Variants in HNRNPA3 observed in about 807,000 individuals in gnomAD.
HNRNPA3 encodes heterogeneous nuclear ribonucleoprotein A3.
In HNRNPA3, 3 loss-of-function variants were observed where a neutral mutation model predicts 45.8. That is an observed-to-expected ratio of 0.07 (90% CI 0.03 to 0.17). The LOEUF is 0.17. HNRNPA3 is among the 10% of genes least tolerant of loss of function. The pLI, the probability that HNRNPA3 is intolerant of heterozygous loss-of-function variation, is 1.00. For missense variants in HNRNPA3, 183 were observed against 480.3 expected (o/e 0.38, Z 5.79); for synonymous variants, 170 against 155.6 (o/e 1.09, Z -0.69).
chr2:177,223,686 T>C (rs1489658301), downstream of HNRNPA3: 5 of 152,214 alleles, frequency 3.3e-5, no homozygotes, highest in African/African-American at 1.2e-4. Context: ...GCAAGGGTAA[T>C]GTAAGGATTG....
downstream of HNRNPA3, chr2:177,223,628 T>C (rs1270102516): frequency 1.3e-5 from 2 of 152,244 alleles, no homozygotes; most frequent in African/African-American, 4.8e-5. Context: ...TGACAGTATC[T>C]TGGGAGTTCC....
intron 1 of HNRNPA3, among the ~76,000 whole-genome samples, chr2:177,214,940 A>G (rs577023333): frequency 2.0e-5 from 3 of 152,316 alleles, no homozygotes; most frequent in Admixed American, 2.0e-4. Flanking sequence ...AGGTTCTCAG[A>G]CAGTTGTAGC....
exon 11 of HNRNPA3, chr2:177,219,809 A>G (rs1689111252): frequency 6.5e-6 from 1 of 152,814 alleles, no homozygotes; most frequent in Admixed American, 6.5e-5. Flanking sequence ...TCTACATTTT[A>G]GTACAGAAAC....
chr2:177,220,935 T>A (rs1689165631), downstream of HNRNPA3: 1 of 152,612 alleles, frequency 6.6e-6, no homozygotes, highest in African/African-American at 2.4e-5. Context: ...TAGTTGAACG[T>A]TGAATTCAAG....
At chr2:177,217,601 CG>C in intron 7 of HNRNPA3, 103 bp from the exon 8 acceptor site, 1 of 1,415,778 alleles carries the variant, frequency 7.1e-7, no homozygotes, top group South Asian at 1.2e-5. Flanking sequence ...TACTTGAGCC[CG>C]GGCAACAGAG....
At chr2:177,217,945 T>C (rs1249859263) in intron 8 of HNRNPA3, 100 bp downstream of exon 8, 30 of 1,189,592 alleles carry the variant, frequency 2.5e-5, no homozygotes, top group Non-Finnish European at 3.2e-5. Context: ...TGATCAAATT[T>C]TATGTTCTAT....
At position 177,216,204 on chromosome 2, in the gene HNRNPA3, T is replaced by C. The variant is rs1688922895; in HGVS notation, c.553+16T>C. ...AAAATTGTTGGTAAGTAGCAATTTATGGTAACTTGAATGAGAAAGTAGAAC... is the reference window on the plus strand; with the variant it reads ...AAAATTGTTGGTAAGTAGCAATTTACGGTAACTTGAATGAGAAAGTAGAAC... On this transcript the variant is annotated intron_variant, in intron 4 of 10. Transcript: ENST00000392524. 10 of 1,490,560 alleles carry C rather than the reference T, an allele frequency of 6.7e-6. No homozygotes were observed. Among genetic ancestry groups the C allele is most frequent in the Non-Finnish European group, 9.2e-6 (10 of 1,089,132 alleles). The allele number at this position is 1,490,560 out of a possible 1,614,324, so 92.3% of individuals were successfully genotyped here. A position where few individuals can be genotyped will look rare whatever the true frequency, so the allele number is the denominator to read the frequency against.
At position 177,215,481 on chromosome 2, in the gene HNRNPA3, C is replaced by CGAG; in HGVS notation, c.73-57_73-56insAGG. On this transcript the variant is annotated intron_variant, in intron 1 of 10. Transcript: ENST00000392524. The stretch of plus-strand genomic sequence containing the variant: ...TACTTACCGTACATTAAAGGCTCTT[C>CGAG]GTGCATCTTAATTCATCTACTGTAA... The CGAG allele has an allele frequency of 5.2e-6, 8 of 1,540,426 alleles. No individual in the cohort carries two copies. The South Asian group carries it at 9.1e-5, about 17-fold the overall frequency.
chr2:177,222,786 A>G (rs1436254444), downstream of HNRNPA3: 1 of 152,642 alleles, frequency 6.6e-6, no homozygotes, highest in East Asian at 1.9e-4. Context: ...CTCAAAGAAG[A>G]AAAGTTACCA....
At chr2:177,223,366 A>T (rs1467270907), downstream of HNRNPA3, 4 of 152,118 alleles carry the variant, frequency 2.6e-5, no homozygotes, top group East Asian at 7.7e-4. Context: ...GTTTCTGAAA[A>T]CTACAGTATT....
At chr2:177,217,083 G>T in intron 7 of HNRNPA3, 143 bp downstream of exon 7, 1 of 896,438 alleles carries the variant, frequency 1.1e-6, no homozygotes. Context: ...TGGAAGAACA[G>T]GAACCCTTTT....
At chr2:177,219,348 AAG>A (rs1410038697) in intron 10 of HNRNPA3, 34 bp downstream of exon 10, 7 of 1,473,194 alleles carry the variant, frequency 4.8e-6, no homozygotes, top group Admixed American at 1.8e-5. Flanking sequence ...ATGATGATAA[AAG>A]AATATGTGGA....
intron 1 of HNRNPA3, 131 bp from the exon 2 acceptor site, chr2:177,215,408 T>G (rs1194574946): frequency 1.0e-6 from 1 of 981,640 alleles, no homozygotes. Flanking sequence ...GTCAAAGTTT[T>G]AACTGGACAA....
intron 8 of HNRNPA3, among the ~76,000 whole-genome samples, chr2:177,218,543 AG>A (rs1689059218): frequency 6.6e-6 from 1 of 152,224 alleles, no homozygotes; most frequent in Admixed American, 6.5e-5. Flanking sequence ...TGAAGTGAGC[AG>A]GTTGCCATCT....
At chr2:177,221,115 A>G (rs1194863952), downstream of HNRNPA3, 1 of 152,670 alleles carries the variant, frequency 6.6e-6, no homozygotes, top group Non-Finnish European at 1.5e-5. Flanking sequence ...GCAGTTTTCC[A>G]GAAACATTCA....
At chr2:177,214,986 T>A (rs955751120) in intron 1 of HNRNPA3, among the ~76,000 whole-genome samples, 1 of 152,196 alleles carries the variant, frequency 6.6e-6, no homozygotes, top group Non-Finnish European at 1.5e-5. Context: ...ATTCTGGAAT[T>A]GTCTTGGATT....
chr2:177,217,137 G>A (rs73976292), intron 7 of HNRNPA3, among the ~76,000 whole-genome samples, 197 bp downstream of exon 7: 2,994 of 152,210 alleles, frequency 0.02, 102 homozygotes, highest in African/African-American at 0.068. Context: ...CAAGTAGTAG[G>A]GGTTGAGCTA....
At chr2:177,217,022 T>C in intron 7 of HNRNPA3, 82 bp downstream of exon 7, 1 of 1,311,682 alleles carries the variant, frequency 7.6e-7, no homozygotes, top group Non-Finnish European at 1.0e-6. Flanking sequence ...TTTCTAATTT[T>C]AGTTAAAACT....
intron 8 of HNRNPA3, among the ~76,000 whole-genome samples, chr2:177,218,596 T>C (rs1011813012): frequency 5.9e-5 from 9 of 152,214 alleles, no homozygotes; most frequent in Admixed American, 3.9e-4. Flanking sequence ...TAATATAATA[T>C]GTCACAGGTA....
Sources: allele counts gnomAD v4.1 joint callset (sites outside exome capture counted in the v4.1 genomes callset), GRCh38; gene constraint gnomAD v4.1.1; transcripts MANE v1.5; gene names NCBI Gene and HGNC (gene_info 2026-07-23, HGNC 2026-07-21).